Variants in ARID1B observed in about 807,000 individuals in gnomAD.
ARID1B encodes the protein AT-rich interaction domain 1B.
A neutral mutation model predicts 212.3 loss-of-function variants in ARID1B; 30 were observed. That is an observed-to-expected ratio of 0.14 (90% confidence interval 0.11 to 0.19). The LOEUF (loss-of-function observed/expected upper bound fraction) is 0.19. Among genes scored for constraint, ARID1B ranks in the 10% least tolerant of loss-of-function variants. The pLI, the probability that ARID1B is intolerant of heterozygous loss-of-function variation, is 1.00. For synonymous variants in ARID1B, 1,402 were observed against 1,301.7 expected (o/e 1.08, Z -1.66); for missense variants, 2,891 against 3,204.0 (o/e 0.90, Z 2.36).
At chr6:157,062,706 A>ATT (rs200133481) in intron 4 of ARID1B, among the ~76,000 whole-genome samples, 84 of 135,998 alleles carry the variant, frequency 6.2e-4, no homozygotes, top group Middle Eastern at 3.7e-3. Flanking sequence ...ATATATATAT[A>ATT]TTTTTTTTTT....
chr6:157,164,341 G>T (rs1791168522), intron 8 of ARID1B, among the ~76,000 whole-genome samples: 1 of 152,232 alleles, frequency 6.6e-6, no homozygotes, highest in African/African-American at 2.4e-5. Context: ...ATCTTCTGGT[G>T]ATTAAAGATG....
At chr6:157,096,254 A>G (rs1785624725) in intron 5 of ARID1B, among the ~76,000 whole-genome samples, 1 of 152,158 alleles carries the variant, frequency 6.6e-6, no homozygotes, top group Admixed American at 6.5e-5. Context: ...TTTTGTCCCC[A>G]GTGCCAAGAA....
rs1263114512 is a variant in ARID1B, at chr6:157,207,818, C to A, written c.7046C>A (p.Ser2349Ter). The stretch of plus-strand genomic sequence containing the variant: ...CACGAGGGCCGGTTGCTGGATATCT[C>A]GATATCAGCTGTCCTGAACTCTCTG... ...LLHEGRLLDI[S>*]ISAVLNSLVA... is the part of the protein sequence containing the mutation. The change falls in exon 20 of 20, where the codon TCG (serine) becomes TAG (stop). Residue 2349 changes from serine to a stop codon, truncating the protein, a stop_gained. Transcript: ENST00000636930. LOFTEE classifies it high-confidence loss of function. The surrounding 1 kb of genome is among the most constrained non-coding windows in gnomAD (Gnocchi z 8.5). 1 of 1,540,528 alleles carries A rather than the reference C, an allele frequency of 6.5e-7. No homozygotes were observed. Among genetic ancestry groups the A allele is most frequent in the Non-Finnish European group, 8.8e-7 (1 of 1,140,756 alleles).
chr6:157,105,035 C>G (rs1182042308), intron 5 of ARID1B, among the ~76,000 whole-genome samples: 2 of 152,078 alleles, frequency 1.3e-5, no homozygotes, highest in Non-Finnish European at 2.9e-5. Context: ...CAGAGTTAGA[C>G]CAAATACATG....
At chr6:156,941,772 C>T (rs972750870) in intron 4 of ARID1B, 52 of 152,208 alleles carry the variant, frequency 3.4e-4, no homozygotes, top group African/African-American at 1.3e-3. Context: ...TTCAATAAAA[C>T]CTTAACAGTT....
At chr6:157,054,540 G>A (rs961277324) in intron 4 of ARID1B, among the ~76,000 whole-genome samples, 3 of 152,106 alleles carry the variant, frequency 2.0e-5, no homozygotes, top group African/African-American at 7.2e-5. Flanking sequence ...TATAAAAGTA[G>A]GAAGTGAGGC....
chr6:157,021,090 T>G (rs1780213043), intron 4 of ARID1B, among the ~76,000 whole-genome samples: 1 of 145,098 alleles, frequency 6.9e-6, no homozygotes, highest in African/African-American at 2.5e-5. Flanking sequence ...CGGCTGCGCT[T>G]TTACTCTTGG....
chr6:156,927,885 C>T (rs767244662), intron 3 of ARID1B, among the ~76,000 whole-genome samples: 2 of 152,188 alleles, frequency 1.3e-5, no homozygotes, highest in Non-Finnish European at 2.9e-5. Flanking sequence ...AAATGGTGTC[C>T]AGTTTGGGAT....
chr6:157,142,682 G>A (rs1044110329), intron 7 of ARID1B, among the ~76,000 whole-genome samples: 2 of 152,108 alleles, frequency 1.3e-5, no homozygotes, highest in Admixed American at 6.5e-5. Flanking sequence ...TGTAGTAACT[G>A]TTATAAAAAT....
intron 3 of ARID1B, 105 bp from the exon 4 acceptor site, chr6:156,935,361 T>C: frequency 1.1e-6 from 1 of 939,196 alleles, no homozygotes; most frequent in South Asian, 1.5e-5. Context: ...ATTACAGGCA[T>C]GAGCCACTGT....
At chr6:157,167,663 G>A (rs559364459) in intron 9 of ARID1B, 34 of 153,354 alleles carry the variant, frequency 2.2e-4, no homozygotes, top group Non-Finnish European at 4.1e-4. Flanking sequence ...AATGCTCTGT[G>A]CAGATTGTCT....
chr6:157,004,974 G>A (rs1312171915), intron 4 of ARID1B, among the ~76,000 whole-genome samples: 8 of 122,694 alleles, frequency 6.5e-5, no homozygotes, highest in Admixed American at 1.1e-4. Context: ...GTACAGTGGC[G>A]TAATCCCGAC....
intron 4 of ARID1B, chr6:156,941,014 A>G: frequency 6.6e-6 from 1 of 152,212 alleles, no homozygotes; most frequent in East Asian, 1.9e-4. Flanking sequence ...TTAAAAGGTT[A>G]AGAGTGGAGC....
intron 7 of ARID1B, among the ~76,000 whole-genome samples, chr6:157,143,805 G>A (rs1456461899): frequency 1.3e-5 from 2 of 152,234 alleles, no homozygotes; most frequent in East Asian, 3.8e-4. Flanking sequence ...TCAAAGAAAA[G>A]AAAAGGGGAC....
At chr6:157,126,283 C>T (rs139794286) in intron 6 of ARID1B, among the ~76,000 whole-genome samples, 6 of 152,186 alleles carry the variant, frequency 3.9e-5, no homozygotes, top group South Asian at 2.1e-4. Flanking sequence ...GCAAGATGTG[C>T]GTTCTTCACT....
intron 1 of ARID1B, among the ~76,000 whole-genome samples, chr6:156,813,069 TATAC>T (rs1395958415): frequency 2.1e-5 from 3 of 142,812 alleles, no homozygotes; most frequent in African/African-American, 5.2e-5. Context: ...TACATATATA[TATAC>T]ACACATACGT....
intron 2 of ARID1B, among the ~76,000 whole-genome samples, chr6:156,898,774 C>A (rs1788692202): frequency 6.6e-6 from 1 of 152,072 alleles, no homozygotes; most frequent in South Asian, 2.1e-4. Flanking sequence ...GAGTTTGAGA[C>A]CAGCCTGACC....
intron 4 of ARID1B, among the ~76,000 whole-genome samples, chr6:157,082,726 G>A (rs1013892701): frequency 6.6e-6 from 1 of 152,072 alleles, no homozygotes; most frequent in Non-Finnish European, 1.5e-5. Context: ...CTGTTTTGGA[G>A]ATTTGATGAA....
At chr6:156,780,078 C>T (rs1779130436) in intron 1 of ARID1B, among the ~76,000 whole-genome samples, 1 of 152,070 alleles carries the variant, frequency 6.6e-6, no homozygotes, top group South Asian at 2.1e-4. Context: ...CGAGCTCGAA[C>T]GTTTGCTGGT....
Sources: allele counts gnomAD v4.1 joint callset (sites outside exome capture counted in the v4.1 genomes callset), GRCh38; gene constraint gnomAD v4.1.1; non-coding constraint Gnocchi (gnomAD v3.1); transcripts MANE v1.5; gene names NCBI Gene and HGNC (gene_info 2026-07-23, HGNC 2026-07-21).